Variants in WDR75 observed in about 807,000 individuals in gnomAD.
WDR75 encodes the protein WD repeat-containing protein 75.
Under a neutral mutation model 106.1 loss-of-function variants are expected in WDR75, and 52 were observed. The ratio of observed to expected loss-of-function variants is 0.49; its 90% CI spans 0.39 to 0.62. WDR75 has a LOEUF of 0.62. Ranked by LOEUF, WDR75 falls within the 20% of genes least tolerant of loss-of-function variation. The pLI is 0.00. For synonymous variants in WDR75, 333 were observed against 335.5 expected (o/e 0.99, Z 0.08); for missense variants, 905 against 970.3 (o/e 0.93, Z 0.89).
intron 6 of WDR75, 54 bp from the exon 7 acceptor site, chr2:189,458,699 C>G (rs1686794649): frequency 7.0e-7 from 1 of 1,421,994 alleles, no homozygotes; most frequent in South Asian, 1.6e-5. Flanking sequence ...AACTACATCA[C>G]CACTTATCAA....
chr2:189,474,618 G>T (rs1321290783), intron 19 of WDR75, 99 bp from the exon 20 acceptor site: 11 of 1,056,708 alleles, frequency 1.0e-5, no homozygotes, highest in Non-Finnish European at 1.6e-5. Flanking sequence ...TTCACTCTTG[G>T]CATTTACAAT....
Position 189,456,470 on chromosome 2 carries a change from G to A in WDR75, c.499-841G>A, listed in dbSNP as rs575791040. The stretch of plus-strand genomic sequence containing the variant: ...AGGAGCTAATGACACACATGAGAAC[G>A]TAGATTAAATTCAAAAAGATGATGG... On this transcript the variant is annotated intron_variant, in intron 5 of 20. Transcript: ENST00000314761. Among the ~76,000 whole-genome samples the A allele has an allele frequency of 4.5e-4, 69 of 152,164 alleles. 1 individual carries two copies. The highest frequency in any genetic ancestry group is 3.3e-3 in the South Asian group (16 of 4,830).
rs1167252150 is a variant in WDR75, at chr2:189,459,425, G to GT, written c.778+2dup. On this transcript the variant is annotated splice_donor_variant, in intron 8 of 20. Transcript: ENST00000314761. LOFTEE classifies it high-confidence loss of function. The stretch of plus-strand genomic sequence containing the variant: ...ATGGATTTGGCTTTTTCAGTGACAG[G>GT]TAAGTGCGGGTTTAATTATTAAAAT... 1.2e-6 allele frequency: 2 copies of GT among 1,608,994 alleles called. No individual in the cohort carries two copies. Among genetic ancestry groups the GT allele is most frequent in the Non-Finnish European group, 8.5e-7 (1 of 1,176,904 alleles).
chr2:189,456,349 A>G (rs1468003988), intron 5 of WDR75, among the ~76,000 whole-genome samples: 1 of 152,160 alleles, frequency 6.6e-6, no homozygotes, highest in Non-Finnish European at 1.5e-5. Flanking sequence ...GTGATTATTC[A>G]TAGTAGCTCC....
chr2:189,463,778 G>A (rs756619390), intron 10 of WDR75, 25 bp downstream of exon 10: 8 of 1,613,616 alleles, frequency 5.0e-6, no homozygotes, highest in Non-Finnish European at 6.8e-6. Context: ...AGTGGATTTG[G>A]AATCATGAAC....
intron 14 of WDR75, among the ~76,000 whole-genome samples, chr2:189,467,937 CCTT>C (rs1268829299): frequency 6.6e-6 from 1 of 152,154 alleles, no homozygotes; most frequent in African/African-American, 2.4e-5. Flanking sequence ...GGGATCCAAA[CCTT>C]CTTATTTTCT....
chr2:189,469,731 G>T (rs1328205200), intron 16 of WDR75, among the ~76,000 whole-genome samples: 1 of 152,084 alleles, frequency 6.6e-6, no homozygotes, highest in Non-Finnish European at 1.5e-5. Flanking sequence ...AGCTTTAATT[G>T]GTCATCCTCT....
intron 2 of WDR75, chr2:189,450,153 T>C (rs1686586424): frequency 2.1e-6 from 2 of 965,776 alleles, no homozygotes; most frequent in South Asian, 4.8e-5. Flanking sequence ...TCCAAGCATA[T>C]TATAATTTCT....
intron 2 of WDR75, chr2:189,450,668 G>A (rs1023245422): frequency 4.5e-6 from 6 of 1,328,868 alleles, no homozygotes; most frequent in East Asian, 3.4e-5. Context: ...AAGACAGAAA[G>A]TTGGCTTTTT....
At chr2:189,465,367 A>C in intron 12 of WDR75, 113 bp downstream of exon 12, 1 of 1,160,720 alleles carries the variant, frequency 8.6e-7, no homozygotes, top group Non-Finnish European at 1.2e-6. Flanking sequence ...AGATTTAGAG[A>C]TATGGGAGAG....
At chr2:189,446,379 T>C (rs1014533008) in intron 1 of WDR75, among the ~76,000 whole-genome samples, 3 of 152,140 alleles carry the variant, frequency 2.0e-5, no homozygotes, top group East Asian at 1.9e-4. Context: ...AGGCTGGAGA[T>C]GTTAAGCTTC....
At chr2:189,442,382 C>T (rs1478568474) in intron 1 of WDR75, among the ~76,000 whole-genome samples, 1 of 148,500 alleles carries the variant, frequency 6.7e-6, no homozygotes, top group South Asian at 2.1e-4. Context: ...TCAAAAAACC[C>T]TTTCTGCCTT....
At chr2:189,459,487 CT>C in intron 8 of WDR75, 63 bp downstream of exon 8, 12 of 1,451,138 alleles carry the variant, frequency 8.3e-6, no homozygotes, top group Non-Finnish European at 1.1e-5. Flanking sequence ...TTTTAATTCA[CT>C]GTATTTTTAG....
In WDR75 at chr2:189,457,327, C is replaced by T. The variant is rs1686761246; in HGVS notation, c.515C>T (p.Ala172Val). 6.2e-7 allele frequency: 1 copy of T among 1,603,546 alleles called. No individual in the cohort carries two copies. ...AAATACTAGGGAGTATATGTTGCTGCAGTACGGGAATTTTACTTGTCTGTT... is the reference window on the plus strand; with the variant it reads ...AAATACTAGGGAGTATATGTTGCTGTAGTACGGGAATTTTACTTGTCTGTT... ...AFGNEGVYVA[A>V]VREFYLSVYF... The change falls in exon 6 of 21, where the codon GCA becomes GTA. Residue 172 changes from alanine (A) to valine (V), a missense_variant. Coordinates refer to ENST00000314761, the MANE Select transcript of WDR75 (RefSeq NM_032168.3).
chr2:189,444,082 G>A (rs1211703039), intron 1 of WDR75, among the ~76,000 whole-genome samples: 1 of 149,914 alleles, frequency 6.7e-6, no homozygotes, highest in Non-Finnish European at 1.5e-5. Flanking sequence ...GGAGAACTTG[G>A]TCAAGATTTA....
intron 4 of WDR75, among the ~76,000 whole-genome samples, chr2:189,452,418 C>T (rs892031644): frequency 4.0e-5 from 6 of 151,882 alleles, no homozygotes; most frequent in Non-Finnish European, 7.4e-5. Context: ...AAAAATTAGC[C>T]GGGTATGGTG....
At chr2:189,469,986 G>A in intron 16 of WDR75, 90 bp from the exon 17 acceptor site, 2 of 1,140,698 alleles carry the variant, frequency 1.8e-6, no homozygotes, top group Admixed American at 2.1e-5. Flanking sequence ...TCAATGGGGT[G>A]AGTCCCAGGA....
At chr2:189,441,883 A>G (rs1464407749) in intron 1 of WDR75, among the ~76,000 whole-genome samples, 1 of 152,152 alleles carries the variant, frequency 6.6e-6, no homozygotes, top group African/African-American at 2.4e-5. Flanking sequence ...GTGGATGTGT[A>G]TGCCACTACC....
chr2:189,475,506 C>T lies in WDR75; in HGVS notation c.*89C>T. ...CATCTATTTTAATGTTATTTCTGTT[C>T]TAAAAATAAGATAATAAATATTAAC... On this transcript the variant is annotated 3_prime_UTR_variant, in exon 21 of 21. Transcript: ENST00000314761. 1 of 809,672 alleles carries T rather than the reference C, an allele frequency of 1.2e-6. No homozygotes were observed. The highest frequency in any genetic ancestry group is 1.8e-6 in the Non-Finnish European group (1 of 544,706). The allele number at this position is 809,672 out of a possible 1,614,324, so 50.2% of individuals were successfully genotyped here. A position where few individuals can be genotyped will look rare whatever the true frequency, so the allele number is the denominator to read the frequency against.
Sources: allele counts gnomAD v4.1 joint callset (sites outside exome capture counted in the v4.1 genomes callset), GRCh38; gene constraint gnomAD v4.1.1; transcripts MANE v1.5; gene names NCBI Gene and HGNC (gene_info 2026-07-23, HGNC 2026-07-21).